The following TMF1 variants were observed in gnomAD, a reference collection of about 807,000 sequenced individuals.
TMF1 encodes the protein TATA element modulatory factor 1, also known as TATA element modulatory factor.
In TMF1, 71 loss-of-function variants were observed where a neutral mutation model predicts 126.5. The ratio of observed to expected loss-of-function variants is 0.56; its 90% confidence interval spans 0.46 to 0.68. The LOEUF is 0.68. Among genes scored for constraint, TMF1 ranks in the 30% least tolerant of loss-of-function variants. The pLI is 0.00. For synonymous variants in TMF1, 461 were observed against 430.5 expected, an observed-to-expected ratio of 1.07 and a Z score of -0.88; for missense variants, 1,259 against 1,253.2, an observed-to-expected ratio of 1.00 and a Z score of -0.07.
chr3:69,050,477 A>G (rs1425634454), intron 1 of TMF1, among the ~76,000 whole-genome samples: 1 of 152,196 alleles, frequency 6.6e-6, no homozygotes, highest in Non-Finnish European at 1.5e-5. Flanking sequence ...AAAAGATGAC[A>G]GGAATTAATT....
At chr3:69,040,546 C>T (rs531866656) in intron 5 of TMF1, 1 of 152,336 alleles carries the variant, frequency 6.6e-6, no homozygotes, top group African/African-American at 2.4e-5. Flanking sequence ...AAGATGTTAA[C>T]ACCTGATGAA....
rs967768871 is a variant in TMF1, at chr3:69,020,090, TTTC to T, written c.*3084_*3086del. On this transcript the variant is annotated 3_prime_UTR_variant, in exon 17 of 17. Coordinates refer to ENST00000398559, the MANE Select transcript of TMF1 (RefSeq NM_007114.3). The stretch of plus-strand genomic sequence containing the variant: ...TAAAACAAGATAAAACATCTACAGT[TTTC>T]TTTTTTCTTCTATTTTCTAAATATT... The T allele has an allele frequency of 2.1e-4, 32 of 152,102 alleles. No homozygotes were observed. Among genetic ancestry groups the T allele is most frequent in the African/African-American group, 6.8e-4 (28 of 41,472 alleles). 9.4% of individuals were successfully genotyped at this position (152,102 alleles called of 1,614,324 possible). A position where few individuals can be genotyped will look rare whatever the true frequency, so the allele number is the denominator to read the frequency against.
chr3:69,052,139 G>A lies in TMF1; in HGVS notation c.-53C>T. On this transcript the variant is annotated 5_prime_UTR_variant, in exon 1 of 17. Transcript: ENST00000398559. ...GGCAGCACCAAGCGGGAAGGCCTCA[G>A]GCCTGGGGAAGGGTGCAGAGGAACG... The A allele has an allele frequency of 6.4e-7, 1 of 1,570,574 alleles. No homozygotes were observed. The highest frequency in any genetic ancestry group is 1.2e-5 in the South Asian group (1 of 86,444).
Position 69,022,511 on chromosome 3 carries a change from G to C in TMF1, c.*666C>G, listed in dbSNP as rs1008864705. On this transcript the variant is annotated 3_prime_UTR_variant, in exon 17 of 17. Transcript: ENST00000398559. The stretch of plus-strand genomic sequence containing the variant: ...GGTTTCTCTGGATAGGTACCAAAAG[G>C]TACCACATTTTATACAGACTTAATT... 1.3e-5 allele frequency: 2 copies of C among 152,408 alleles called. No individual in the cohort carries two copies. Among genetic ancestry groups the C allele is most frequent in the Admixed American group, 1.3e-4 (2 of 15,260 alleles). The allele number at this position is 152,408 out of a possible 1,614,324, so 9.4% of individuals were successfully genotyped here. A position where few individuals can be genotyped will look rare whatever the true frequency, so the allele number is the denominator to read the frequency against.
Position 69,033,687 on chromosome 3 carries a change from C to A in TMF1, c.2262G>T (p.Glu754Asp), listed in dbSNP as rs961821546. The change falls in exon 10 of 17, where the codon GAG becomes GAT. Residue 754 changes from glutamate to aspartate, a missense_variant. By Grantham distance (45) the Glu-to-Asp change is conservative. Coordinates refer to ENST00000398559, the MANE Select transcript of TMF1 (RefSeq NM_007114.3). ...GELQQRLQEA[E>D]NRNQELSQSV... ...TTTGACTCAGTTCCTGGTTTCGATT[C>A]TCTGCTTCCTGGAGTCTCTGAATCA... 3 of 1,611,902 alleles carry A rather than the reference C, an allele frequency of 1.9e-6. No individual in the cohort carries two copies. The highest frequency in any genetic ancestry group is 1.3e-5 in the African/African-American group (1 of 74,922).
chr3:69,033,506 T>C (rs937859), intron 10 of TMF1, 42 bp downstream of exon 10: 546,571 of 1,570,430 alleles, frequency 0.35, 97,286 homozygotes, highest in East Asian at 0.44. Flanking sequence ...ATAAACAAGA[T>C]GGAAGAGCTT....
At chr3:69,036,531 A>C (rs1319455993) in intron 8 of TMF1, among the ~76,000 whole-genome samples, 1 of 152,232 alleles carries the variant, frequency 6.6e-6, no homozygotes, top group Non-Finnish European at 1.5e-5. Flanking sequence ...ATATAGATAC[A>C]TATATTTTCT....
intron 12 of TMF1, 56 bp from the exon 13 acceptor site, chr3:69,028,048 A>G (rs779806673): frequency 1.7e-6 from 2 of 1,204,308 alleles, no homozygotes; most frequent in Non-Finnish European, 2.4e-6. Flanking sequence ...ATGCCATGAT[A>G]AGTCAATCTC....
At chr3:69,037,635 T>G (rs1360086872) in intron 8 of TMF1, among the ~76,000 whole-genome samples, 2 of 151,788 alleles carry the variant, frequency 1.3e-5, no homozygotes, top group African/African-American at 4.8e-5. Context: ...AGAGCGAAAC[T>G]CTGTCTCACA....
rs2091747916 is a variant in TMF1, at chr3:69,023,026, CTACA to C, written c.*147_*150del. The C allele has an allele frequency of 1.8e-6, 1 of 551,902 alleles. No individual in the cohort carries two copies. Among genetic ancestry groups the C allele is most frequent in the South Asian group, 3.4e-5 (1 of 29,398 alleles). The allele number at this position is 551,902 out of a possible 1,614,324, so 34.2% of individuals were successfully genotyped here. On this transcript the variant is annotated 3_prime_UTR_variant, in exon 17 of 17. Transcript: ENST00000398559. Reference sequence around the variant, plus strand: ...CAAAATAATTTAACTGTAAATATTACTACATAGTGTAAAACAATTTTAAAAAAAT... The same window carrying C: ...CAAAATAATTTAACTGTAAATATTACTAGTGTAAAACAATTTTAAAAAAAT...
chr3:69,051,901 C>G (rs1467026909), intron 1 of TMF1, 44 bp downstream of exon 1: 1 of 1,601,754 alleles, frequency 6.2e-7, no homozygotes. Flanking sequence ...ATCAAGAGAA[C>G]AGCAGCCTCC....
intron 10 of TMF1, chr3:69,030,344 C>T (rs908315587): frequency 7.2e-5 from 13 of 180,414 alleles, no homozygotes; most frequent in African/African-American, 2.8e-4. Flanking sequence ...AAAATTAACT[C>T]AAAATGGATC....
At position 69,042,870 on chromosome 3, in the gene TMF1, T is replaced by C. The variant is rs962687295; in HGVS notation, c.1621A>G (p.Ser541Gly). 3.1e-6 allele frequency: 5 copies of C among 1,613,644 alleles called. No individual in the cohort carries two copies. Among genetic ancestry groups the C allele is most frequent in the Non-Finnish European group, 4.2e-6 (5 of 1,179,814 alleles). Residue 541 changes from serine (S) to glycine (G), a missense_variant, in exon 5 of 17, where the codon AGT (serine) becomes GGT (glycine). Ser to Gly is a moderately conservative substitution (Grantham distance 56, BLOSUM62 0). Coordinates refer to ENST00000398559, the MANE Select transcript of TMF1 (RefSeq NM_007114.3). ...IKEELATRLN[S>G]SETADLLKEK... ...TTCAAAAGGTCTGCAGTTTCACTAC[T>C]ATTTAATCTAGTGGCAAGTTCTTCT...
In TMF1 at chr3:69,039,645, T is replaced by G. The variant is rs1260895239; in HGVS notation, c.1733A>C (p.Lys578Thr). The change falls in exon 6 of 17, where the codon AAA (lysine) becomes ACA (threonine). Residue 578 changes from lysine to threonine, a missense_variant. Physicochemically the swap from Lys to Thr is moderately conservative, Grantham distance 78. Transcript: ENST00000398559. ...ATTCTCCTTGTCTTTAGCTCTTAAT[T>G]TCTTGATGATGTTAGAATTGTGCAG... Reference protein sequence around the residue: ...QQLHNSNIIKKLRAKDKENEN... With the variant: ...QQLHNSNIIKTLRAKDKENEN... The G allele has an allele frequency of 6.2e-7, 1 of 1,613,822 alleles. No homozygotes were observed. The highest frequency in any genetic ancestry group is 1.1e-5 in the South Asian group (1 of 91,008).
At position 69,049,677 on chromosome 3, in the gene TMF1, G is replaced by A. The variant is rs142584935; in HGVS notation, c.143-1115C>T. Among the ~76,000 whole-genome samples, 401 of 152,118 alleles carry A rather than the reference G, an allele frequency of 2.6e-3. 6 individuals are homozygous for A. Among genetic ancestry groups the A allele is most frequent in the African/African-American group, 9.3e-3 (385 of 41,492 alleles). On this transcript the variant is annotated intron_variant, in intron 1 of 16. Transcript: ENST00000398559. ...TTGACACTAGGGTTTTTAAAAAAGC[G>A]CTACAAAGAAAATGACTGTTTTCTT...
chr3:69,040,625 C>T (rs2058830446), intron 5 of TMF1, among the ~76,000 whole-genome samples: 2 of 152,050 alleles, frequency 1.3e-5, no homozygotes, highest in Non-Finnish European at 2.9e-5. Flanking sequence ...AGCTCTTTAG[C>T]TTTAAGTTTT....
At position 69,021,400 on chromosome 3, in the gene TMF1, A is replaced by G. The variant is rs143861047; in HGVS notation, c.*1777T>C. 3.0e-3 allele frequency: 454 copies of G among 152,666 alleles called. 5 individuals are homozygous for G. The highest frequency in any genetic ancestry group is 2.1e-3 in the Admixed American group (32 of 15,292). 9.5% of individuals were successfully genotyped at this position (152,666 alleles called of 1,614,324 possible). A position where few individuals can be genotyped will look rare whatever the true frequency, so the allele number is the denominator to read the frequency against. Reference sequence around the variant, plus strand: ...CTGTCCTGTCATTCTGCCCTTGAATATTACACACACAAAAAAATCAAGCTG... The same window carrying G: ...CTGTCCTGTCATTCTGCCCTTGAATGTTACACACACAAAAAAATCAAGCTG... On this transcript the variant is annotated 3_prime_UTR_variant, in exon 17 of 17. Coordinates refer to ENST00000398559, the MANE Select transcript of TMF1 (RefSeq NM_007114.3).
Position 69,033,611 on chromosome 3 carries a change from C to A in TMF1, c.2338G>T (p.Ala780Ser), listed in dbSNP as rs554766844. Residue 780 changes from alanine to serine, a missense_variant, in exon 10 of 17, where the codon GCA (alanine) becomes TCA (serine). By Grantham distance (99) the Ala-to-Ser change is moderately conservative. Transcript: ENST00000398559. ...PLLRQIENLQ[A>S]TLGSQTSSWE... ...GACGATGTCTGGGATCCCAGGGTTGCTTGCAAATTTTCTATTTGTCGAAGC... is the reference window on the plus strand; with the variant it reads ...GACGATGTCTGGGATCCCAGGGTTGATTGCAAATTTTCTATTTGTCGAAGC... 1.3e-5 allele frequency: 21 copies of A among 1,614,000 alleles called. No individual in the cohort carries two copies. Among genetic ancestry groups the A allele is most frequent in the South Asian group, 3.3e-5 (3 of 91,064 alleles).
chr3:69,048,408 G>A lies in TMF1; in HGVS notation c.297C>T (p.Ala99=). The A allele has an allele frequency of 6.2e-7, 1 of 1,614,130 alleles. No individual in the cohort carries two copies. The highest frequency in any genetic ancestry group is 8.5e-7 in the Non-Finnish European group (1 of 1,180,036). ...VVDESENFFS[A]FLSPTDVQTI... ...TCTGGACATCAGTTGGCGAGAGAAA[G>A]GCACTGAAGAAATTTTCAGATTCAT... Residue 99 remains alanine (A), a synonymous_variant, in exon 2 of 17, where the codon GCC becomes GCT. Coordinates refer to ENST00000398559, the MANE Select transcript of TMF1 (RefSeq NM_007114.3).
Sources: allele counts gnomAD v4.1 joint callset (sites outside exome capture counted in the v4.1 genomes callset), GRCh38; gene constraint gnomAD v4.1.1; transcripts MANE v1.5; gene names NCBI Gene and HGNC (gene_info 2026-07-23, HGNC 2026-07-21).